Variants in C8orf34 observed in about 807,000 individuals in gnomAD.
C8orf34 encodes uncharacterized protein C8orf34.
In C8orf34, 65 loss-of-function variants were observed where a neutral mutation model predicts 68.3. The observed-to-expected ratio is 0.95, with a 90% CI of 0.78 to 1.17. C8orf34 has a LOEUF of 1.17. Ranked by LOEUF, C8orf34 falls within the 50% of genes most tolerant of loss-of-function variation. The pLI, the probability that C8orf34 is intolerant of heterozygous loss-of-function variation, is 0.00. For synonymous variants in C8orf34, 244 were observed against 241.2 expected (o/e 1.01, Z -0.11); for missense variants, 664 against 655.4 (o/e 1.01, Z -0.14).
intron 7 of C8orf34, among the ~76,000 whole-genome samples, chr8:68,553,793 C>G (rs1194191275): frequency 6.6e-6 from 1 of 151,810 alleles, no homozygotes; most frequent in Non-Finnish European, 1.5e-5. Context: ...TTTCAAAGAA[C>G]TAACTTTTGG....
At chr8:68,617,535 C>T (rs1586459496) in intron 7 of C8orf34, among the ~76,000 whole-genome samples, 1 of 152,256 alleles carries the variant, frequency 6.6e-6, no homozygotes, top group African/African-American at 2.4e-5. Flanking sequence ...ATTTCTCCTT[C>T]ACTTATGAAG....
chr8:68,493,907 AT>A (rs1174288186), intron 5 of C8orf34, among the ~76,000 whole-genome samples: 2 of 152,206 alleles, frequency 1.3e-5, no homozygotes, highest in Non-Finnish European at 2.9e-5. Context: ...AGTTTCCAAA[AT>A]TGTAACAAAT....
intron 10 of C8orf34, among the ~76,000 whole-genome samples, chr8:68,760,633 A>T (rs1310610808): frequency 6.6e-6 from 1 of 152,244 alleles, no homozygotes; most frequent in East Asian, 1.9e-4. Flanking sequence ...ATAAGAGCCT[A>T]ACAAAGGATT....
chr8:68,561,013 T>A (rs1241197770), intron 7 of C8orf34, among the ~76,000 whole-genome samples: 2 of 151,262 alleles, frequency 1.3e-5, no homozygotes, highest in African/African-American at 4.9e-5. Context: ...TCTCACTCTG[T>A]CTCCCAGGCT....
At chr8:68,401,322 C>T (rs1002467286) in intron 1 of C8orf34, among the ~76,000 whole-genome samples, 3 of 152,080 alleles carry the variant, frequency 2.0e-5, no homozygotes, top group South Asian at 2.1e-4. Flanking sequence ...CATCAGCCAA[C>T]AGGAATAATT....
intron 10 of C8orf34, among the ~76,000 whole-genome samples, chr8:68,759,211 T>C (rs1053791906): frequency 4.6e-5 from 7 of 152,144 alleles, no homozygotes; most frequent in Non-Finnish European, 1.0e-4. Context: ...TCATTTTACT[T>C]ACAGGAAGAA....
At chr8:68,353,744 A>G (rs957627341) in intron 1 of C8orf34, among the ~76,000 whole-genome samples, 4 of 151,262 alleles carry the variant, frequency 2.6e-5, no homozygotes, top group Admixed American at 1.3e-4. Context: ...TCTGTAATGA[A>G]CATGTACAGA....
chr8:68,667,182 A>G (rs188802015), intron 8 of C8orf34, among the ~76,000 whole-genome samples: 45 of 152,310 alleles, frequency 3.0e-4, no homozygotes, highest in Admixed American at 2.7e-3. Context: ...GAAGTCAAAG[A>G]GTTTATATTC....
chr8:68,800,334 A>G (rs952093821), intron 12 of C8orf34, among the ~76,000 whole-genome samples: 4 of 152,102 alleles, frequency 2.6e-5, no homozygotes, highest in African/African-American at 9.7e-5. Flanking sequence ...CCTGAGACAC[A>G]TTTTTTGTAC....
intron 8 of C8orf34, among the ~76,000 whole-genome samples, chr8:68,688,220 T>C (rs1354259345): frequency 6.6e-6 from 1 of 151,978 alleles, no homozygotes; most frequent in Non-Finnish European, 1.5e-5. Context: ...ATTCCTTAAA[T>C]AAGTAAAAGC....
intron 3 of C8orf34, among the ~76,000 whole-genome samples, chr8:68,453,874 T>C (rs1347055229): frequency 6.6e-6 from 1 of 152,014 alleles, no homozygotes; most frequent in Non-Finnish European, 1.5e-5. Flanking sequence ...GAAATACTTT[T>C]GGTCTTGTAT....
intron 3 of C8orf34, among the ~76,000 whole-genome samples, chr8:68,457,636 T>TTAGC (rs1811609823): frequency 6.6e-6 from 1 of 152,158 alleles, no homozygotes. Context: ...TGCTCAAAAA[T>TTAGC]TAGCACTCCT....
intron 10 of C8orf34, among the ~76,000 whole-genome samples, chr8:68,737,925 C>A (rs781543476): frequency 2.6e-5 from 4 of 152,026 alleles, no homozygotes. Flanking sequence ...ATCAAATGGA[C>A]CTGAGAGACG....
intron 7 of C8orf34, among the ~76,000 whole-genome samples, chr8:68,536,348 G>A (rs1815470165): frequency 1.0e-5 from 1 of 99,682 alleles, no homozygotes; most frequent in Admixed American, 1.6e-4. Flanking sequence ...GACAGAGGGA[G>A]ACCCTATCTC....
At chr8:68,532,028 G>T (rs1000743923) in intron 6 of C8orf34, among the ~76,000 whole-genome samples, 1 of 152,060 alleles carries the variant, frequency 6.6e-6, no homozygotes, top group Admixed American at 6.6e-5. Context: ...ATTCTCACTG[G>T]CAATACATGG....
intron 8 of C8orf34, among the ~76,000 whole-genome samples, chr8:68,704,086 C>G (rs1439569999): frequency 6.6e-6 from 1 of 152,086 alleles, no homozygotes; most frequent in Non-Finnish European, 1.5e-5. Context: ...ATACCAAGCT[C>G]TATCTAAGCT....
chr8:68,654,380 A>T (rs2130789056), intron 8 of C8orf34, among the ~76,000 whole-genome samples: 1 of 152,180 alleles, frequency 6.6e-6, no homozygotes, highest in Admixed American at 6.5e-5. Context: ...ATGAAAAGCG[A>T]TTGCTTCTTT....
chr8:68,720,006 T>C (rs1333335572), intron 9 of C8orf34, among the ~76,000 whole-genome samples: 2 of 151,940 alleles, frequency 1.3e-5, no homozygotes, highest in African/African-American at 4.8e-5. Context: ...AGCTTTACAA[T>C]TGGGTTTTGG....
chr8:68,595,263 G>A (rs1817510887), intron 7 of C8orf34, among the ~76,000 whole-genome samples: 1 of 151,506 alleles, frequency 6.6e-6, no homozygotes, highest in Admixed American at 6.6e-5. Context: ...TTCTTTCAAA[G>A]TTGTTGATCT....
Sources: gnomAD v4.1 joint callset for allele counts (sites outside exome capture counted in the v4.1 genomes callset) on GRCh38, gnomAD v4.1.1 for gene constraint, MANE v1.5 for transcripts, NCBI Gene and HGNC (gene_info 2026-07-23, HGNC 2026-07-21) for gene names.